HIKESHI: variants seen among roughly 807,000 people sequenced by gnomAD.
HIKESHI encodes heat shock protein nuclear import factor hikeshi, also known as protein Hikeshi.
HIKESHI carries 13 observed loss-of-function variants against 25.7 expected under a neutral mutation model. That is an observed-to-expected ratio of 0.51 (90% confidence interval 0.33 to 0.80). The LOEUF is 0.80. HIKESHI is among the 30% of genes least tolerant of loss of function. The pLI is 0.02. For missense variants in HIKESHI, 174 were observed against 229.5 expected (o/e 0.76, Z 1.56); for synonymous variants, 76 against 78.7 (o/e 0.97, Z 0.18).
chr11:86,303,272 T>A (rs1946540446), intron 1 of HIKESHI: 1 of 333,016 alleles, frequency 3.0e-6, no homozygotes, highest in African/African-American at 2.2e-5. Context: ...TTCTCCTGGC[T>A]TTTTAAAATG....
intron 2 of HIKESHI, among the ~76,000 whole-genome samples, chr11:86,312,668 A>G (rs1169145253): frequency 6.6e-6 from 1 of 152,072 alleles, no homozygotes; most frequent in African/African-American, 2.4e-5. Flanking sequence ...GGTCTTTACA[A>G]TTTCCATGTT....
chr11:86,314,187 G>A (rs1213958595), intron 2 of HIKESHI, among the ~76,000 whole-genome samples: 1 of 152,212 alleles, frequency 6.6e-6, no homozygotes, highest in East Asian at 1.9e-4. Flanking sequence ...AGAGAAGCCA[G>A]TGAACAATTT....
rs956589536 is a variant in HIKESHI, at chr11:86,302,273, G to T, written c.-176G>T. 2 of 698,400 alleles carry T rather than the reference G, an allele frequency of 2.9e-6. No homozygotes were observed. The highest frequency in any genetic ancestry group is 2.2e-5 in the Admixed American group (1 of 45,432). The allele number at this position is 698,400 out of a possible 1,614,324, so 43.3% of individuals were successfully genotyped here. A position where few individuals can be genotyped will look rare whatever the true frequency, so the allele number is the denominator to read the frequency against. ...AGCAGTGGGCTGCTTAGGAAGAGAA[G>T]GTCAGAGTTCGCGGGGGCAGAGGCA... On this transcript the variant is annotated 5_prime_UTR_variant, in exon 1 of 5. In the 5' UTR this introduces an upstream ATG that the reference lacks. Transcript: ENST00000278483.
chr11:86,340,453 G>A (rs1336257629), intron 3 of HIKESHI, among the ~76,000 whole-genome samples: 1 of 152,152 alleles, frequency 6.6e-6, no homozygotes, highest in Non-Finnish European at 1.5e-5. Flanking sequence ...TCTAACTGTT[G>A]TGAAATGGTA....
At chr11:86,341,364 G>C (rs1042399719) in intron 3 of HIKESHI, among the ~76,000 whole-genome samples, 4 of 151,296 alleles carry the variant, frequency 2.6e-5, no homozygotes, top group Non-Finnish European at 5.9e-5. Flanking sequence ...TTTTTCCTTT[G>C]CATAGATTTC....
chr11:86,304,450 C>T (rs927508222), intron 1 of HIKESHI, among the ~76,000 whole-genome samples: 4 of 150,966 alleles, frequency 2.6e-5, no homozygotes, highest in African/African-American at 9.8e-5. Flanking sequence ...TTTCATATTA[C>T]GAGGACTGAA....
At chr11:86,306,009 T>C (rs1488905788) in intron 1 of HIKESHI, among the ~76,000 whole-genome samples, 1 of 152,174 alleles carries the variant, frequency 6.6e-6, no homozygotes, top group Non-Finnish European at 1.5e-5. Flanking sequence ...TCCCACAAAG[T>C]GTTGGGATTA....
At chr11:86,332,768 A>G (rs747156329) in intron 2 of HIKESHI, among the ~76,000 whole-genome samples, 1 of 152,260 alleles carries the variant, frequency 6.6e-6, no homozygotes, top group South Asian at 2.1e-4. Context: ...TCTCTGTGGC[A>G]TATTATTCTT....
At chr11:86,333,367 C>G (rs1461289665) in intron 2 of HIKESHI, among the ~76,000 whole-genome samples, 3 of 152,028 alleles carry the variant, frequency 2.0e-5, no homozygotes, top group Non-Finnish European at 4.4e-5. Context: ...GAAACCCCGT[C>G]TGCACTAAAA....
At chr11:86,325,018 A>G (rs1947237488) in intron 2 of HIKESHI, among the ~76,000 whole-genome samples, 1 of 151,986 alleles carries the variant, frequency 6.6e-6, no homozygotes, top group South Asian at 2.1e-4. Context: ...GCCTCTACAA[A>G]AAATAAAAAA....
chr11:86,324,906 T>C (rs190547140), intron 2 of HIKESHI, among the ~76,000 whole-genome samples: 22 of 152,238 alleles, frequency 1.4e-4, no homozygotes, highest in Admixed American at 5.2e-4. Context: ...GGGCCAGGTA[T>C]GGTGGCTCAC....
intron 2 of HIKESHI, chr11:86,326,386 A>C (rs1367594300): frequency 7.0e-6 from 3 of 427,168 alleles, no homozygotes; most frequent in Admixed American, 2.6e-5. Flanking sequence ...CTTTTGTTAT[A>C]TTATGTAATT....
chr11:86,325,229 G>C (rs1947245288), intron 2 of HIKESHI, among the ~76,000 whole-genome samples: 3 of 152,034 alleles, frequency 2.0e-5, no homozygotes, highest in African/African-American at 7.2e-5. Context: ...TTATGATTCT[G>C]TACTGAATGA....
intron 2 of HIKESHI, among the ~76,000 whole-genome samples, chr11:86,329,010 G>A (rs1461743321): frequency 6.6e-6 from 1 of 151,636 alleles, no homozygotes; most frequent in African/African-American, 2.4e-5. Context: ...CTCATAATGG[G>A]TTATGAAATT....
intron 3 of HIKESHI, among the ~76,000 whole-genome samples, chr11:86,339,996 C>A (rs1009936600): frequency 6.6e-6 from 1 of 150,886 alleles, no homozygotes; most frequent in Non-Finnish European, 1.5e-5. Flanking sequence ...TGAGGACATG[C>A]GGTGTTTGGT....
intron 2 of HIKESHI, among the ~76,000 whole-genome samples, chr11:86,316,436 C>T (rs1335980071): frequency 6.6e-6 from 1 of 152,002 alleles, no homozygotes; most frequent in Non-Finnish European, 1.5e-5. Context: ...CGCTTGAACT[C>T]GGGAGGTGGA....
At chr11:86,308,837 G>A (rs941606444) in intron 2 of HIKESHI, among the ~76,000 whole-genome samples, 3 of 151,900 alleles carry the variant, frequency 2.0e-5, no homozygotes, top group South Asian at 2.1e-4. Flanking sequence ...TTCTGTCCTT[G>A]CGATAGTTTG....
At chr11:86,319,380 A>G (rs1187577339) in intron 2 of HIKESHI, among the ~76,000 whole-genome samples, 1 of 150,474 alleles carries the variant, frequency 6.6e-6, no homozygotes, top group Non-Finnish European at 1.5e-5. Context: ...TAGGATCACA[A>G]GCACACATCA....
chr11:86,319,242 A>ATATATATTTTT (rs1383589741), intron 2 of HIKESHI, among the ~76,000 whole-genome samples: 9 of 94,944 alleles, frequency 9.5e-5, no homozygotes, highest in South Asian at 4.0e-4. Flanking sequence ...ATATATATAT[A>ATATATATTTTT]TTTTTTTTTT....
Sources: gnomAD v4.1 joint callset for allele counts (sites outside exome capture counted in the v4.1 genomes callset) on GRCh38, gnomAD v4.1.1 for gene constraint, MANE v1.5 for transcripts, NCBI Gene and HGNC (gene_info 2026-07-23, HGNC 2026-07-21) for gene names.